Variants in OCA2 observed in about 807,000 individuals in gnomAD.
The protein encoded by OCA2 is P protein.
Under a neutral mutation model 100.2 loss-of-function variants are expected in OCA2, and 77 were observed. That is an observed-to-expected ratio of 0.77 (90% CI 0.64 to 0.93). The LOEUF is 0.93. Ranked by LOEUF, OCA2 falls within the 40% of genes least tolerant of loss-of-function variation. The pLI is 0.00. For missense variants in OCA2, 1,062 were observed against 1,089.1 expected, an observed-to-expected ratio of 0.98 and a Z score of 0.35; for synonymous variants, 432 against 439.2, an observed-to-expected ratio of 0.98 and a Z score of 0.21.
intron 1 of OCA2, among the ~76,000 whole-genome samples, chr15:28,098,227 CAGTTTTTGTG>C (rs1209106213): frequency 6.6e-6 from 1 of 152,214 alleles, no homozygotes; most frequent in East Asian, 1.9e-4. Context: ...GCAGAACAAG[CAGTTTTTGTG>C]CAATTCTTTG....
intron 2 of OCA2, among the ~76,000 whole-genome samples, chr15:28,077,505 C>T (rs1250960443): frequency 1.3e-5 from 2 of 152,280 alleles, no homozygotes; most frequent in Middle Eastern, 3.4e-3. Context: ...TCAGCTAGGA[C>T]AGGGGAAACA....
the OCA2 span, among the ~76,000 whole-genome samples, chr15:27,749,829 C>A: frequency 6.6e-6 from 1 of 152,016 alleles, no homozygotes; most frequent in African/African-American, 2.4e-5. Context: ...TGAAAGAAAC[C>A]AAAAGAGACC....
At chr15:27,989,509 T>C (rs368638300) in intron 11 of OCA2, 92 bp downstream of exon 11, 7 of 1,024,784 alleles carry the variant, frequency 6.8e-6, no homozygotes, top group East Asian at 4.9e-5. Flanking sequence ...GCTGTGTCTT[T>C]AACATAATGA....
chr15:27,958,324 A>G (rs2140715568), intron 15 of OCA2, among the ~76,000 whole-genome samples: 1 of 152,384 alleles, frequency 6.6e-6, no homozygotes, highest in Admixed American at 6.5e-5. Context: ...CTTGCAGGAA[A>G]TATTTCGGAT....
At chr15:27,901,314 C>A (rs1344890370) in intron 19 of OCA2, among the ~76,000 whole-genome samples, 2 of 152,244 alleles carry the variant, frequency 1.3e-5, no homozygotes, top group African/African-American at 4.8e-5. Context: ...TTCTCCCCAG[C>A]CCTGCTGCTG....
chr15:28,098,433 C>A (rs1374780505), intron 1 of OCA2, among the ~76,000 whole-genome samples: 4 of 152,230 alleles, frequency 2.6e-5, no homozygotes, highest in Non-Finnish European at 5.9e-5. Flanking sequence ...AAGCAAACCG[C>A]AGCTGGTTTA....
chr15:28,002,496 C>A (rs2041958486), intron 9 of OCA2, among the ~76,000 whole-genome samples: 1 of 152,170 alleles, frequency 6.6e-6, no homozygotes, highest in South Asian at 2.1e-4. Flanking sequence ...TGGTCCTTAT[C>A]CCATCACTGG....
chr15:28,067,477 T>C (rs2044061811), intron 2 of OCA2, among the ~76,000 whole-genome samples: 1 of 152,180 alleles, frequency 6.6e-6, no homozygotes, highest in Non-Finnish European at 1.5e-5. Flanking sequence ...TGAAGGCATT[T>C]AGGGCTACAA....
At chr15:27,738,318 T>C in the OCA2 span, among the ~76,000 whole-genome samples, 1 of 152,142 alleles carries the variant, frequency 6.6e-6, no homozygotes, top group Non-Finnish European at 1.5e-5. Flanking sequence ...ATGGAATACC[T>C]GAAGGATCAA....
intron 23 of OCA2, among the ~76,000 whole-genome samples, chr15:27,814,879 TCTCTATAG>T (rs1232097004): frequency 6.8e-6 from 1 of 146,798 alleles, no homozygotes; most frequent in African/African-American, 2.5e-5. Context: ...TGAGATTCTC[TCTCTATAG>T]ATAGATAGAT....
chr15:27,746,017 T>C, the OCA2 span, among the ~76,000 whole-genome samples: 5 of 152,194 alleles, frequency 3.3e-5, no homozygotes, highest in Admixed American at 6.5e-5. Context: ...CCCTAAAATG[T>C]ATAAAACCAA....
chr15:28,010,888 GA>G (rs917659738), intron 9 of OCA2, among the ~76,000 whole-genome samples: 108 of 151,796 alleles, frequency 7.1e-4, no homozygotes, highest in African/African-American at 2.6e-3. Context: ...ACAATTTTGG[GA>G]AAAAAAATAA....
chr15:27,949,161 T>G (rs935942044), intron 18 of OCA2, among the ~76,000 whole-genome samples: 1 of 152,252 alleles, frequency 6.6e-6, no homozygotes, highest in African/African-American at 2.4e-5. Flanking sequence ...TTATCTGATG[T>G]CACATTTTGT....
At chr15:27,784,333 C>T (rs573422850) in intron 23 of OCA2, among the ~76,000 whole-genome samples, 5 of 152,270 alleles carry the variant, frequency 3.3e-5, no homozygotes, top group East Asian at 1.9e-4. Flanking sequence ...CAGCAAACCA[C>T]GAACCAAGTC....
In OCA2 at chr15:27,815,173, C is replaced by T. The variant is rs544065107; in HGVS notation, c.2432+29786G>A. ...GAGGACATGATTTTAACTAAATGGA[C>T]GGGGAGAAGCTTCCCATTCGCCGCA... On this transcript the variant is annotated intron_variant, in intron 23 of 23. Transcript: ENST00000354638. 5.5e-4 allele frequency among the ~76,000 whole-genome samples: 84 copies of T among 152,124 alleles called. 1 individual carries two copies. The Middle Eastern group carries it at 0.017, about 31-fold the overall frequency.
chr15:27,966,815 T>C lies in OCA2; in HGVS notation c.1511A>G (p.Asp504Gly). 3 of 1,611,014 alleles carry C rather than the reference T, an allele frequency of 1.9e-6. No homozygotes were observed. Among genetic ancestry groups the C allele is most frequent in the Non-Finnish European group, 2.5e-6 (3 of 1,179,114 alleles). The change falls in exon 15 of 24, where the codon GAC (aspartate) becomes GGC (glycine). Residue 504 changes from aspartate (D) to glycine (G), a missense_variant. Asp to Gly is a moderately conservative substitution (Grantham distance 94). Transcript: ENST00000354638. ...SNQELRKMGL[D>G]FAGFTAHMFI... Reference sequence around the variant, plus strand: ...CATGTGTGCAGTGAATCCGGCAAAGTCCAGGCCCTGGAAATAAACAAGGGG... The same window carrying C: ...CATGTGTGCAGTGAATCCGGCAAAGCCCAGGCCCTGGAAATAAACAAGGGG...
intron 19 of OCA2, among the ~76,000 whole-genome samples, chr15:27,904,993 G>A (rs1035436500): frequency 5.9e-5 from 9 of 152,116 alleles, no homozygotes; most frequent in Middle Eastern, 6.8e-3. Flanking sequence ...GCAAAACCTC[G>A]TCTCTACTAA....
intron 23 of OCA2, among the ~76,000 whole-genome samples, chr15:27,813,909 T>G (rs955392176): frequency 6.6e-6 from 1 of 152,242 alleles, no homozygotes; most frequent in South Asian, 2.1e-4. Flanking sequence ...AATTACTATT[T>G]TATTGATACA....
intron 23 of OCA2, among the ~76,000 whole-genome samples, chr15:27,842,852 C>T (rs999821538): frequency 5.9e-5 from 9 of 152,190 alleles, no homozygotes; most frequent in Non-Finnish European, 2.9e-5. Flanking sequence ...ATAGGTGTGT[C>T]ACACACTGCA....
Sources: allele counts gnomAD v4.1 joint callset (sites outside exome capture counted in the v4.1 genomes callset), GRCh38; gene constraint gnomAD v4.1.1; transcripts MANE v1.5; gene names NCBI Gene and HGNC (gene_info 2026-07-23, HGNC 2026-07-21).